Variants in NCAN observed in about 807,000 individuals in gnomAD.
The protein encoded by NCAN is neurocan, also known as neurocan core protein.
NCAN carries 47 observed loss-of-function variants against 121.8 expected under a neutral mutation model. The ratio of observed to expected loss-of-function variants is 0.39; its 90% CI spans 0.31 to 0.49. The LOEUF is 0.49. Ranked by LOEUF, NCAN falls within the 20% of genes least tolerant of loss-of-function variation. The pLI is 0.92. For missense variants in NCAN, 1,517 were observed against 1,773.4 expected (o/e 0.86, Z 2.60); for synonymous variants, 633 against 702.0 (o/e 0.90, Z 1.55).
intron 10 of NCAN, among the ~76,000 whole-genome samples, chr19:19,236,616 G>A (rs1450335978): frequency 2.0e-5 from 3 of 151,722 alleles, no homozygotes; most frequent in East Asian, 3.9e-4. Flanking sequence ...TTTTTGTAGA[G>A]ATGGGGTTTT....
chr19:19,219,607 T>G (rs1425892066), intron 3 of NCAN, among the ~76,000 whole-genome samples: 1 of 119,696 alleles, frequency 8.4e-6, no homozygotes, highest in African/African-American at 3.4e-5. Flanking sequence ...GGTGGGAGGA[T>G]CACTTGAGAC....
intron 8 of NCAN, chr19:19,232,766 A>G (rs1409052887): frequency 6.6e-6 from 1 of 152,202 alleles, no homozygotes; most frequent in Non-Finnish European, 1.5e-5. Context: ...TTAAGCGTGA[A>G]TATCTATATG....
intron 11 of NCAN, among the ~76,000 whole-genome samples, chr19:19,239,390 C>G (rs1389000253): frequency 6.9e-6 from 1 of 143,984 alleles, no homozygotes; most frequent in Non-Finnish European, 1.5e-5. Flanking sequence ...TCCCCATCTT[C>G]CCTCCCACTC....
At position 19,226,764 on chromosome 19, in the gene NCAN, G is replaced by T; in HGVS notation, c.1351G>T (p.Val451Leu). 2 of 1,613,402 alleles carry T rather than the reference G, an allele frequency of 1.2e-6. No individual in the cohort carries two copies. Among genetic ancestry groups the T allele is most frequent in the African/African-American group, 1.3e-5 (1 of 75,068 alleles). ...WPTGEVWLST[V>L]APSPSDMGAG... ...CACTGGGGAAGTGTGGCTAAGCACG[G>T]TGGCCCCCAGCCCTAGCGACATGGG... The change falls in exon 7 of 15, where the codon GTG (valine) becomes TTG (leucine). Residue 451 changes from valine (V) to leucine (L), a missense_variant. By Grantham distance (32) the Val-to-Leu change is conservative. Transcript: ENST00000252575.
intron 8 of NCAN, chr19:19,232,783 C>T (rs963030882): frequency 6.6e-6 from 1 of 152,058 alleles, no homozygotes; most frequent in African/African-American, 2.4e-5. Flanking sequence ...TATGTGGCTG[C>T]CATATGGAAC....
chr19:19,250,721 C>T lies in NCAN; in HGVS notation c.*810C>T, dbSNP rs1456952829. Reference sequence around the variant, plus strand: ...GATGAGCCCAGATTTCTTCCCCCTCCATCTCTCAGGGAGACAAAGAACCTC... The same window carrying T: ...GATGAGCCCAGATTTCTTCCCCCTCTATCTCTCAGGGAGACAAAGAACCTC... On this transcript the variant is annotated 3_prime_UTR_variant, in exon 15 of 15. Transcript: ENST00000252575. 8 of 155,160 alleles carry T rather than the reference C, an allele frequency of 5.2e-5. No individual in the cohort carries two copies. Among genetic ancestry groups the T allele is most frequent in the Non-Finnish European group, 8.6e-5 (6 of 69,872 alleles). 9.6% of individuals were successfully genotyped at this position (155,160 alleles called of 1,614,324 possible).
chr19:19,221,054 G>GC (rs1294569851), intron 3 of NCAN, among the ~76,000 whole-genome samples: 1 of 152,106 alleles, frequency 6.6e-6, no homozygotes, highest in South Asian at 2.1e-4. Flanking sequence ...GCAACATAGT[G>GC]AGACCTTGTC....
Position 19,225,176 on chromosome 19 carries a change from G to A in NCAN, c.978G>A (p.Gly326=). Residue 326 remains glycine (G), a synonymous_variant, in exon 6 of 15, where the codon GGG becomes GGA. Transcript: ENST00000252575. This position sits in a 1 kb window ranked among gnomAD's most constrained non-coding sequence, Gnocchi z 4.0. ...TCCAGACGCCGCGCCGGCGCTGCGG[G>A]GGCCCAGCCCCGGGCGTGCGCACCG... ...YPIQTPRRRC[G]GPAPGVRTVY... 3.2e-6 allele frequency: 5 copies of A among 1,539,188 alleles called. No individual in the cohort carries two copies. Among genetic ancestry groups the A allele is most frequent in the Non-Finnish European group, 4.3e-6 (5 of 1,154,338 alleles).
intron 5 of NCAN, 96 bp from the exon 6 acceptor site, chr19:19,224,881 C>A: frequency 2.7e-6 from 3 of 1,118,772 alleles, no homozygotes; most frequent in South Asian, 4.0e-5. Flanking sequence ...ACCACCCTAA[C>A]ACGTCCAGGT....
At chr19:19,223,949 C>T (rs2060825693) in intron 3 of NCAN, 72 bp from the exon 4 acceptor site, 1 of 1,417,498 alleles carries the variant, frequency 7.1e-7, no homozygotes, top group Non-Finnish European at 9.4e-7. Flanking sequence ...AGTCATTCTG[C>T]AAGAGGTAGG....
intron 11 of NCAN, 94 bp downstream of exon 11, chr19:19,238,505 T>G: frequency 4.8e-6 from 7 of 1,452,480 alleles, no homozygotes; most frequent in South Asian, 1.2e-5. Flanking sequence ...CTCCCCTGGT[T>G]TTCAAGACGT....
At position 19,224,006 on chromosome 19, in the gene NCAN, G is replaced by A. The variant is rs777391432; in HGVS notation, c.476-15G>A. On this transcript the variant is annotated splice_polypyrimidine_tract_variant and intron_variant, in intron 3 of 14. Transcript: ENST00000252575. Reference sequence around the variant, plus strand: ...ATAAGTCAACTGTCCCCCCATCCTGGATGTTCCCCCACAGGTGTTGTGTTC... The same window carrying A: ...ATAAGTCAACTGTCCCCCCATCCTGAATGTTCCCCCACAGGTGTTGTGTTC... The A allele has an allele frequency of 1.5e-5, 22 of 1,503,666 alleles. No individual in the cohort carries two copies. Among genetic ancestry groups the A allele is most frequent in the Middle Eastern group, 1.8e-4 (1 of 5,580 alleles). The allele number at this position is 1,503,666 out of a possible 1,614,324, so 93.1% of individuals were successfully genotyped here. A position where few individuals can be genotyped will look rare whatever the true frequency, so the allele number is the denominator to read the frequency against.
chr19:19,228,284 T>A lies in NCAN; in HGVS notation c.2664T>A (p.Ser888=). ...QGDKVGVPAM[S]TLGSSSSQPH... is the part of the protein sequence containing the mutation. ...ACAAGGTTGGAGTTCCAGCCATGTC[T>A]ACACTGGGCTCCTCAAGCTCCCAAC... is the stretch of plus-strand genomic sequence containing the variant. The change falls in exon 8 of 15, where the codon TCT becomes TCA. Residue 888 remains serine (S), a synonymous_variant. Coordinates refer to ENST00000252575, the MANE Select transcript of NCAN (RefSeq NM_004386.3). The A allele has an allele frequency of 3.1e-6, 5 of 1,613,986 alleles. No homozygotes were observed. Among genetic ancestry groups the A allele is most frequent in the Admixed American group, 1.7e-5 (1 of 60,028 alleles).
intron 10 of NCAN, among the ~76,000 whole-genome samples, chr19:19,236,751 A>C (rs958073845): frequency 1.4e-5 from 2 of 147,694 alleles, no homozygotes; most frequent in African/African-American, 2.5e-5. Flanking sequence ...TTTTTGAAAC[A>C]GGTTCTCACT....
chr19:19,215,109 T>C (rs1349760660), intron 1 of NCAN, among the ~76,000 whole-genome samples: 1 of 152,066 alleles, frequency 6.6e-6, no homozygotes, highest in Non-Finnish European at 1.5e-5. Context: ...GCTTTGCCGC[T>C]GCGTTGCCGC....
intron 10 of NCAN, among the ~76,000 whole-genome samples, chr19:19,237,919 T>A (rs1164126192): frequency 6.6e-6 from 1 of 152,156 alleles, no homozygotes; most frequent in Non-Finnish European, 1.5e-5. Flanking sequence ...GGCGCACGCC[T>A]GTAATCCCAG....
chr19:19,249,075 G>A (rs1568604775), intron 14 of NCAN, 193 bp downstream of exon 14: 5 of 579,828 alleles, frequency 8.6e-6, no homozygotes, highest in Non-Finnish European at 1.2e-5. Context: ...GTGTGTGTGT[G>A]TGTGTATGTG....
Position 19,224,088 on chromosome 19 carries a change from C to T in NCAN, c.543C>T (p.Ala181=), listed in dbSNP as rs1333447903. 1 of 1,605,248 alleles carries T rather than the reference C, an allele frequency of 6.2e-7. No individual in the cohort carries two copies. The highest frequency in any genetic ancestry group is 1.3e-5 in the African/African-American group (1 of 74,936). Residue 181 remains alanine (A), a synonymous_variant, in exon 4 of 15, where the codon GCC becomes GCT. Coordinates refer to ENST00000252575, the MANE Select transcript of NCAN (RefSeq NM_004386.3). The part of the protein sequence containing the change: ...YALTFAEAQE[A]CRLSSAIIAA... The stretch of plus-strand genomic sequence containing the variant: ...TGACCTTCGCTGAGGCCCAGGAGGC[C>T]TGCCGTCTCAGCTCAGCCATCATTG...
chr19:19,244,475 A>C (rs1223152130), intron 12 of NCAN, among the ~76,000 whole-genome samples: 1 of 151,304 alleles, frequency 6.6e-6, no homozygotes, highest in Non-Finnish European at 1.5e-5. Context: ...TGCCCGGCTA[A>C]TTTTTGTATT....
Sources: gnomAD v4.1 joint callset for allele counts (sites outside exome capture counted in the v4.1 genomes callset) on GRCh38, gnomAD v4.1.1 for gene constraint, Gnocchi (gnomAD v3.1) non-coding constraint, MANE v1.5 for transcripts, NCBI Gene and HGNC (gene_info 2026-07-23, HGNC 2026-07-21) for gene names.